DAB2: variants seen among roughly 807,000 people sequenced by gnomAD.
The protein encoded by DAB2 is DAB adaptor protein 2.
In DAB2, 28 loss-of-function variants were observed where a neutral mutation model predicts 71.6. The observed-to-expected ratio is 0.39, with a 90% CI of 0.29 to 0.54. DAB2 has a LOEUF of 0.54. Among genes scored for constraint, DAB2 ranks in the 20% least tolerant of loss-of-function variants. DAB2 has a pLI of 0.68. For synonymous variants in DAB2, 345 were observed against 339.7 expected (o/e 1.02, Z -0.17); for missense variants, 867 against 928.8 (o/e 0.93, Z 0.86).
At chr5:39,392,668 A>T (rs1334507347) in intron 3 of DAB2, among the ~76,000 whole-genome samples, 1 of 152,188 alleles carries the variant, frequency 6.6e-6, no homozygotes, top group Non-Finnish European at 1.5e-5. Flanking sequence ...GCGAACTCGG[A>T]CAAGTCACTC....
intron 9 of DAB2, 122 bp downstream of exon 9, chr5:39,388,183 C>T: frequency 2.8e-6 from 2 of 717,022 alleles, no homozygotes; most frequent in Non-Finnish European, 4.9e-6. Context: ...ATTGACACTT[C>T]ATTTGCAAAA....
In DAB2 at chr5:39,373,074, GA is replaced by G. The variant is rs1322985400; in HGVS notation, c.*356del. The G allele has an allele frequency of 6.6e-6, 1 of 152,114 alleles. No homozygotes were observed. The highest frequency in any genetic ancestry group is 1.5e-5 in the Non-Finnish European group (1 of 68,050). The allele number at this position is 152,114 out of a possible 1,614,324, so 9.4% of individuals were successfully genotyped here. A position where few individuals can be genotyped will look rare whatever the true frequency, so the allele number is the denominator to read the frequency against. On this transcript the variant is annotated 3_prime_UTR_variant, in exon 15 of 15. Coordinates refer to ENST00000320816, the MANE Select transcript of DAB2 (RefSeq NM_001343.4). ...AAATTTATTCAAAACAGTATGATAT[GA>G]AGGGATGTGGTGGCTGCATCTCCCA...
In DAB2 at chr5:39,382,753, A is replaced by G; in HGVS notation, c.1206T>C (p.Pro402=). 1 of 1,614,038 alleles carries G rather than the reference A, an allele frequency of 6.2e-7. No homozygotes were observed. The highest frequency in any genetic ancestry group is 1.3e-5 in the African/African-American group (1 of 74,992). The change falls in exon 10 of 15, where the codon CCT becomes CCC. Residue 402 remains proline (P), a synonymous_variant. Transcript: ENST00000320816. The stretch of plus-strand genomic sequence containing the variant: ...CATTCTGTATGGACAGTCCTTTGGG[A>G]GGGCTTCCCACAAAAGGGTTCGGGG... ...KSSPNPFVGS[P]PKGLSIQNGV... is the part of the protein sequence containing the mutation.
At chr5:39,376,178 T>G in intron 12 of DAB2, 72 bp from the exon 13 acceptor site, 1 of 1,224,258 alleles carries the variant, frequency 8.2e-7, no homozygotes, top group Non-Finnish European at 1.2e-6. Flanking sequence ...CGAGTCAGCT[T>G]ATTTTTGAAG....
rs1174418536 is a variant in DAB2, at chr5:39,388,844, A to G, written c.579T>C (p.Ser193=). 2 of 1,612,592 alleles carry G rather than the reference A, an allele frequency of 1.2e-6. No homozygotes were observed. Among genetic ancestry groups the G allele is most frequent in the Non-Finnish European group, 1.7e-6 (2 of 1,178,850 alleles). The change falls in exon 8 of 15, where the codon AGT becomes AGC. Residue 193 remains serine (S), a synonymous_variant. Coordinates refer to ENST00000320816, the MANE Select transcript of DAB2 (RefSeq NM_001343.4). ...GGTCATCTAGAATCATTAGGGCCTC[A>G]CTCCCATTCTGAAAAGATAGCAAAT... ...EEASKAVENG[S]EALMILDDQT...
intron 13 of DAB2, among the ~76,000 whole-genome samples, chr5:39,375,692 C>G (rs535356666): frequency 6.6e-6 from 1 of 152,170 alleles, no homozygotes; most frequent in Non-Finnish European, 1.5e-5. Context: ...TGAGACCAGT[C>G]TGGCCAACAT....
At chr5:39,412,432 T>A (rs146930755) in intron 1 of DAB2, among the ~76,000 whole-genome samples, 2 of 152,296 alleles carry the variant, frequency 1.3e-5, no homozygotes, top group East Asian at 1.9e-4. Flanking sequence ...CAAAACTGCA[T>A]CCCTACTAAG....
At chr5:39,374,969 C>T in intron 14 of DAB2, 45 bp downstream of exon 14, 1 of 1,240,818 alleles carries the variant, frequency 8.1e-7, no homozygotes, top group Non-Finnish European at 1.2e-6. Flanking sequence ...GTCACCCTTT[C>T]TCACAAAAAC....
At position 39,383,179 on chromosome 5, in the gene DAB2, G is replaced by A; in HGVS notation, c.780C>T (p.Ile260=). Residue 260 remains isoleucine, a synonymous_variant, in exon 10 of 15, where the codon ATC becomes ATT. Transcript: ENST00000320816. The part of the protein sequence containing the change: ...LRENPFLTNG[I]TSCSLPRPTP... ...TTGGTCGAGGAAGAGAACAGGAGGTGATGCCGTTTGTTAAGAATGGATTTT... is the reference window on the plus strand; with the variant it reads ...TTGGTCGAGGAAGAGAACAGGAGGTAATGCCGTTTGTTAAGAATGGATTTT... 3 of 1,614,082 alleles carry A rather than the reference G, an allele frequency of 1.9e-6. No individual in the cohort carries two copies. The highest frequency in any genetic ancestry group is 2.5e-6 in the Non-Finnish European group (3 of 1,179,994).
chr5:39,376,964 G>A lies in DAB2; in HGVS notation c.1823C>T (p.Pro608Leu), dbSNP rs779974937. ...CAGGAGAGAGGAGTGCATGGATGGG[G>A]GCTGAGTGGACACAGCAGGAGCTGG... is the stretch of plus-strand genomic sequence containing the variant. ...IFPAPAVSTQ[P>L]PSMHSSLLVT... is the part of the protein sequence containing the mutation. The change falls in exon 12 of 15, where the codon CCC (proline) becomes CTC (leucine). Residue 608 changes from proline (P) to leucine (L), a missense_variant. Coordinates refer to ENST00000320816, the MANE Select transcript of DAB2 (RefSeq NM_001343.4). 1.8e-5 allele frequency: 29 copies of A among 1,613,972 alleles called. No individual in the cohort carries two copies. Among genetic ancestry groups the A allele is most frequent in the Non-Finnish European group, 2.4e-5 (28 of 1,180,014 alleles).
chr5:39,416,827 G>A (rs1038733733), intron 1 of DAB2, among the ~76,000 whole-genome samples: 1 of 152,072 alleles, frequency 6.6e-6, no homozygotes, highest in Non-Finnish European at 1.5e-5. Flanking sequence ...TTCTAGGCTC[G>A]ACACAGTCTG....
At position 39,383,095 on chromosome 5, in the gene DAB2, G is replaced by T; in HGVS notation, c.864C>A (p.Pro288=). Residue 288 remains proline (P), a synonymous_variant, in exon 10 of 15, where the codon CCC becomes CCA. Coordinates refer to ENST00000320816, the MANE Select transcript of DAB2 (RefSeq NM_001343.4). ...NAFSANLNFF[P]TPNPDPFRDD... Reference sequence around the variant, plus strand: ...CACGGAAAGGATCAGGATTAGGGGTGGGAAAGAAGTTGAGATTGGCAGAAA... The same window carrying T: ...CACGGAAAGGATCAGGATTAGGGGTTGGAAAGAAGTTGAGATTGGCAGAAA... The T allele has an allele frequency of 1.9e-6, 3 of 1,614,152 alleles. No homozygotes were observed. The highest frequency in any genetic ancestry group is 2.5e-6 in the Non-Finnish European group (3 of 1,180,030).
chr5:39,385,082 T>C (rs1026244840), intron 9 of DAB2: 1 of 152,218 alleles, frequency 6.6e-6, no homozygotes, highest in South Asian at 2.1e-4. Context: ...ATCTTTTGGA[T>C]TCCTTTACTG....
chr5:39,412,761 G>A (rs116621685), intron 1 of DAB2, among the ~76,000 whole-genome samples: 1 of 152,242 alleles, frequency 6.6e-6, no homozygotes, highest in Non-Finnish European at 1.5e-5. Flanking sequence ...TATTTGACAG[G>A]AGAGGAGGCT....
rs1754714436 is a variant in DAB2, at chr5:39,372,159, AC to A, written c.*1271del. 1 of 152,218 alleles carries A rather than the reference AC, an allele frequency of 6.6e-6. No individual in the cohort carries two copies. The highest frequency in any genetic ancestry group is 1.5e-5 in the Non-Finnish European group (1 of 68,044). The allele number at this position is 152,218 out of a possible 1,614,324, so 9.4% of individuals were successfully genotyped here. A position where few individuals can be genotyped will look rare whatever the true frequency, so the allele number is the denominator to read the frequency against. On this transcript the variant is annotated 3_prime_UTR_variant, in exon 15 of 15. Transcript: ENST00000320816. ...ACAAAACTTATTTTGACAATAATAA[AC>A]CCTTCAGAACTGTGCTCACAACAGG...
chr5:39,393,231 T>A lies in DAB2; in HGVS notation c.231+23A>T, dbSNP rs200110380. Reference sequence around the variant, plus strand: ...CTTGGACTTTTGCTTAATATACAGATAAAGCATTCATTTCCCTTTTACCTT... The same window carrying A: ...CTTGGACTTTTGCTTAATATACAGAAAAAGCATTCATTTCCCTTTTACCTT... On this transcript the variant is annotated intron_variant, in intron 3 of 14. Coordinates refer to ENST00000320816, the MANE Select transcript of DAB2 (RefSeq NM_001343.4). 8.0e-4 allele frequency: 1,282 copies of A among 1,611,866 alleles called. 2 individuals are homozygous for A. Among genetic ancestry groups the A allele is most frequent in the Non-Finnish European group, 1.1e-3 (1,247 of 1,178,492 alleles).
chr5:39,414,113 A>G (rs1029470363), intron 1 of DAB2, among the ~76,000 whole-genome samples: 17 of 152,170 alleles, frequency 1.1e-4, no homozygotes, highest in Admixed American at 2.6e-4. Context: ...CTCTTATGCT[A>G]GGATTTTCAA....
intron 10 of DAB2, 31 bp from the exon 11 acceptor site, chr5:39,381,647 TAGTTAC>T: frequency 1.9e-5 from 30 of 1,612,016 alleles, no homozygotes; most frequent in Non-Finnish European, 2.5e-5. Flanking sequence ...GGAGAAGCCT[TAGTTAC>T]TCACTAACAG....
chr5:39,390,410 A>G (rs1306396820), intron 5 of DAB2, 34 bp downstream of exon 5: 2 of 1,600,728 alleles, frequency 1.2e-6, no homozygotes, highest in Admixed American at 3.5e-5. Context: ...ACAGAGGACA[A>G]GTCCCCAGGT....
Sources: gnomAD v4.1 joint callset for allele counts (sites outside exome capture counted in the v4.1 genomes callset) on GRCh38, gnomAD v4.1.1 for gene constraint, MANE v1.5 for transcripts, NCBI Gene and HGNC (gene_info 2026-07-23, HGNC 2026-07-21) for gene names.